The following MAPKAP1 variants were observed in gnomAD, a reference collection of about 807,000 sequenced individuals.
MAPKAP1 encodes target of rapamycin complex 2 subunit MAPKAP1.
MAPKAP1 carries 20 observed loss-of-function variants against 65.7 expected under a neutral mutation model. The observed-to-expected ratio is 0.30, with a 90% CI of 0.21 to 0.44. The LOEUF (loss-of-function observed/expected upper bound fraction) is 0.44, where lower values mean the gene tolerates loss of function less well. MAPKAP1 is among the 20% of genes least tolerant of loss of function. The pLI is 1.00. For missense variants in MAPKAP1, 423 were observed against 648.0 expected (o/e 0.65, Z 3.77); for synonymous variants, 222 against 244.3 (o/e 0.91, Z 0.85).
intron 5 of MAPKAP1, among the ~76,000 whole-genome samples, chr9:125,571,841 C>T (rs184866785): frequency 1.4e-4 from 21 of 152,094 alleles, no homozygotes; most frequent in South Asian, 4.2e-4. Flanking sequence ...CCAGCCTGCT[C>T]GACGGGAGCG....
At chr9:125,444,443 A>C (rs951482867) in intron 11 of MAPKAP1, 58 bp downstream of exon 11, 3 of 1,348,660 alleles carry the variant, frequency 2.2e-6, no homozygotes, top group African/African-American at 2.9e-5. Flanking sequence ...TGCCGCAAAC[A>C]GCCTGAAGAG....
intron 1 of MAPKAP1, among the ~76,000 whole-genome samples, chr9:125,689,803 C>T (rs1221930929): frequency 6.6e-6 from 1 of 150,656 alleles, no homozygotes; most frequent in Non-Finnish European, 1.5e-5. Flanking sequence ...CAATGTACTA[C>T]GGGCCAGGCG....
At chr9:125,565,784 T>G (rs1831036132) in intron 5 of MAPKAP1, 1 of 404,144 alleles carries the variant, frequency 2.5e-6, no homozygotes, top group Non-Finnish European at 4.9e-6. Flanking sequence ...ATCTATAACT[T>G]ACAGAGATGT....
At chr9:125,682,368 T>TA (rs1834849992) in intron 1 of MAPKAP1, among the ~76,000 whole-genome samples, 1 of 152,228 alleles carries the variant, frequency 6.6e-6, no homozygotes, top group South Asian at 2.1e-4. Context: ...CACTAAACTA[T>TA]AAAGTTCTAA....
At chr9:125,459,853 T>G (rs1475576284) in intron 10 of MAPKAP1, among the ~76,000 whole-genome samples, 1 of 17,194 alleles carries the variant, frequency 5.8e-5, no homozygotes, top group African/African-American at 4.7e-4. Context: ...AGGGAGACCG[T>G]GGGGAGAGGG....
At chr9:125,679,460 C>A (rs1834756651) in intron 1 of MAPKAP1, among the ~76,000 whole-genome samples, 2 of 151,976 alleles carry the variant, frequency 1.3e-5, no homozygotes, top group African/African-American at 4.8e-5. Context: ...TGTACAACAG[C>A]AAGAAACAAT....
chr9:125,523,638 T>A lies in MAPKAP1; in HGVS notation c.959-17221A>T, dbSNP rs1829681297. 2.6e-5 allele frequency among the ~76,000 whole-genome samples: 4 copies of A among 152,236 alleles called. No individual in the cohort carries two copies. The South Asian group carries it at 8.3e-4, about 32-fold the overall frequency. On this transcript the variant is annotated intron_variant, in intron 7 of 11. Coordinates refer to ENST00000265960, the MANE Select transcript of MAPKAP1 (RefSeq NM_001006617.3). The stretch of plus-strand genomic sequence containing the variant: ...TACGATGCTAGAGAAAAAAGCTGTG[T>A]GAATTTAATGAGAAAAATTACATTG...
chr9:125,516,099 C>G (rs1829453243), intron 7 of MAPKAP1, among the ~76,000 whole-genome samples: 4 of 152,206 alleles, frequency 2.6e-5, no homozygotes, highest in Admixed American at 6.5e-5. Context: ...AGACTTACAT[C>G]TGACCCAGCA....
At chr9:125,600,685 A>G (rs1302428744) in intron 4 of MAPKAP1, among the ~76,000 whole-genome samples, 1 of 152,216 alleles carries the variant, frequency 6.6e-6, no homozygotes, top group Non-Finnish European at 1.5e-5. Context: ...AATTATTTTG[A>G]GAGAAGAACC....
intron 4 of MAPKAP1, among the ~76,000 whole-genome samples, chr9:125,654,293 T>C (rs1047884576): frequency 5.9e-5 from 9 of 152,180 alleles, no homozygotes; most frequent in Non-Finnish European, 1.0e-4. Context: ...TTTGTGTTGT[T>C]AACGAGGCTA....
intron 1 of MAPKAP1, among the ~76,000 whole-genome samples, chr9:125,700,214 C>T (rs1328297783): frequency 1.3e-5 from 2 of 152,162 alleles, no homozygotes; most frequent in East Asian, 1.9e-4. Flanking sequence ...ATTAAATACT[C>T]GCTTTATTTT....
chr9:125,625,255 T>TTAAAAAAAA (rs1564589549), intron 4 of MAPKAP1, among the ~76,000 whole-genome samples: 2 of 64,712 alleles, frequency 3.1e-5, no homozygotes, highest in Non-Finnish European at 6.1e-5. Flanking sequence ...AATAAATAAA[T>TTAAAAAAAA]AAAAAAAAAA....
At chr9:125,690,997 C>A (rs1052777176) in intron 1 of MAPKAP1, among the ~76,000 whole-genome samples, 1 of 152,204 alleles carries the variant, frequency 6.6e-6, no homozygotes, top group Admixed American at 6.5e-5. Flanking sequence ...CGCAGTGGCT[C>A]ACGCCTGTAA....
At chr9:125,688,423 C>T (rs1480742996) in intron 1 of MAPKAP1, among the ~76,000 whole-genome samples, 5 of 152,162 alleles carry the variant, frequency 3.3e-5, no homozygotes, top group African/African-American at 1.2e-4. Flanking sequence ...CAGGCATGAA[C>T]CACCATGCCC....
chr9:125,679,082 A>G (rs1834743260), intron 1 of MAPKAP1, among the ~76,000 whole-genome samples: 1 of 151,832 alleles, frequency 6.6e-6, no homozygotes, highest in Non-Finnish European at 1.5e-5. Flanking sequence ...GCTAACTGCA[A>G]CTTCTGACTC....
At chr9:125,613,583 A>G (rs1832662934) in intron 4 of MAPKAP1, among the ~76,000 whole-genome samples, 2 of 152,060 alleles carry the variant, frequency 1.3e-5, no homozygotes, top group Admixed American at 1.3e-4. Flanking sequence ...CCTCTACCCA[A>G]TTCTGTTTTC....
At chr9:125,646,317 A>G (rs1362984075) in intron 4 of MAPKAP1, among the ~76,000 whole-genome samples, 1 of 151,870 alleles carries the variant, frequency 6.6e-6, no homozygotes, top group Admixed American at 6.5e-5. Context: ...TCTTCAAAAC[A>G]AAACAAAACA....
intron 10 of MAPKAP1, among the ~76,000 whole-genome samples, chr9:125,467,225 A>C (rs1250353115): frequency 1.3e-5 from 2 of 152,188 alleles, no homozygotes; most frequent in Non-Finnish European, 2.9e-5. Context: ...ATATAGTTTA[A>C]ATTTTTTTCT....
At chr9:125,536,247 A>G (rs976005515) in intron 7 of MAPKAP1, among the ~76,000 whole-genome samples, 3 of 152,208 alleles carry the variant, frequency 2.0e-5, no homozygotes, top group Admixed American at 1.3e-4. Context: ...GGGAAGATCC[A>G]TCAGGAGCCT....
Sources: gnomAD v4.1 joint callset for allele counts (sites outside exome capture counted in the v4.1 genomes callset) on GRCh38, gnomAD v4.1.1 for gene constraint, MANE v1.5 for transcripts, NCBI Gene and HGNC (gene_info 2026-07-23, HGNC 2026-07-21) for gene names.